Variants in TMEM138 observed in about 807,000 individuals in gnomAD.
The protein encoded by TMEM138 is transmembrane protein 138.
TMEM138 carries 9 observed loss-of-function variants against 18.1 expected under a neutral mutation model. The ratio of observed to expected loss-of-function variants is 0.50; its 90% CI spans 0.30 to 0.87. The LOEUF (loss-of-function observed/expected upper bound fraction) is 0.87. Among genes scored for constraint, TMEM138 ranks in the 40% least tolerant of loss-of-function variants. TMEM138 has a pLI of 0.06. For synonymous variants in TMEM138, 79 were observed against 74.8 expected (o/e 1.06, Z -0.29); for missense variants, 189 against 190.6 (o/e 0.99, Z 0.05).
downstream of TMEM138, among the ~76,000 whole-genome samples, chr11:61,370,957 C>G (rs561566368): frequency 2.6e-5 from 4 of 152,296 alleles, no homozygotes; most frequent in Admixed American, 6.5e-5. Flanking sequence ...TCAGGACCCC[C>G]AAACTCATTA....
chr11:61,368,114 C>A, intron 4 of TMEM138, 116 bp downstream of exon 4: 1 of 795,918 alleles, frequency 1.3e-6, no homozygotes, highest in Non-Finnish European at 2.3e-6. Context: ...GTTGTGACAG[C>A]CACACCAGGA....
chr11:61,372,853 T>C (rs2135173883), downstream of TMEM138, among the ~76,000 whole-genome samples: 1 of 151,748 alleles, frequency 6.6e-6, no homozygotes, highest in Middle Eastern at 3.4e-3. Context: ...ATTAACAGTC[T>C]GTGTAAGTTA....
At chr11:61,375,405 C>T (rs1049779596), downstream of TMEM138, among the ~76,000 whole-genome samples, 1 of 146,998 alleles carries the variant, frequency 6.8e-6, no homozygotes, top group Admixed American at 7.1e-5. Context: ...TCACCACAAC[C>T]TCTGACTCGC....
chr11:61,364,194 A>C (rs1449790666), intron 1 of TMEM138, 58 bp from the exon 2 acceptor site: 3 of 532,674 alleles, frequency 5.6e-6, no homozygotes, highest in Admixed American at 6.8e-5. Context: ...GTAGGTCCTC[A>C]GTAAATGTTT....
chr11:61,362,572 T>A (rs1373162499), intron 1 of TMEM138, 152 bp downstream of exon 1: 1 of 152,224 alleles, frequency 6.6e-6, no homozygotes, highest in Non-Finnish European at 1.5e-5. Flanking sequence ...CTGCCCTAGG[T>A]ACAAAGGGAA....
chr11:61,370,378 G>C (rs547881694), downstream of TMEM138, among the ~76,000 whole-genome samples: 11 of 152,324 alleles, frequency 7.2e-5, no homozygotes, highest in South Asian at 4.1e-4. Context: ...AAAAGGCCTG[G>C]TTAAACATTG....
chr11:61,373,357 A>C (rs2135174600), downstream of TMEM138, among the ~76,000 whole-genome samples: 1 of 152,376 alleles, frequency 6.6e-6, no homozygotes, highest in East Asian at 1.9e-4. Flanking sequence ...CAGATTAACA[A>C]GGTTTTCTTG....
At chr11:61,371,973 C>CAGG (rs1309138527), downstream of TMEM138, among the ~76,000 whole-genome samples, 8 of 152,054 alleles carry the variant, frequency 5.3e-5, no homozygotes, top group South Asian at 1.7e-3. Flanking sequence ...GTCAAGAGTT[C>CAGG]AGGACCAGCC....
intron 1 of TMEM138, 167 bp from the exon 2 acceptor site, chr11:61,364,085 G>A (rs1858046128): frequency 4.5e-6 from 1 of 220,534 alleles, no homozygotes; most frequent in Non-Finnish European, 9.0e-6. Context: ...ATGGAGAAAA[G>A]CTGGTGAAGG....
downstream of TMEM138, among the ~76,000 whole-genome samples, chr11:61,371,142 C>G (rs1858332670): frequency 6.6e-6 from 1 of 152,226 alleles, no homozygotes. Flanking sequence ...TCAAGTGATT[C>G]TCCTGCCTCA....
At chr11:61,372,678 C>T (rs1030329091), downstream of TMEM138, among the ~76,000 whole-genome samples, 5 of 151,634 alleles carry the variant, frequency 3.3e-5, no homozygotes, top group African/African-American at 4.8e-5. Context: ...CCCAGCTACT[C>T]GGGAGGCTGA....
chr11:61,367,259 AG>A (rs1474691927), intron 3 of TMEM138: 1 of 152,232 alleles, frequency 6.6e-6, no homozygotes. Context: ...CTGTGGTTTC[AG>A]ATTTCTTCTG....
At chr11:61,364,770 CT>C (rs1858075890) in intron 2 of TMEM138, 3 of 338,694 alleles carry the variant, frequency 8.9e-6, no homozygotes, top group African/African-American at 6.3e-5. Context: ...TGCCACACAC[CT>C]GTAATCGCAG....
chr11:61,369,036 C>T lies in TMEM138; in HGVS notation c.*327C>T, dbSNP rs1309171299. The T allele has an allele frequency of 1.5e-5, 4 of 269,598 alleles. No individual in the cohort carries two copies. Among genetic ancestry groups the T allele is most frequent in the Non-Finnish European group, 2.9e-5 (4 of 138,126 alleles). 16.7% of individuals were successfully genotyped at this position (269,598 alleles called of 1,614,324 possible). A position where few individuals can be genotyped will look rare whatever the true frequency, so the allele number is the denominator to read the frequency against. On this transcript the variant is annotated 3_prime_UTR_variant, in exon 5 of 5. Coordinates refer to ENST00000278826, the MANE Select transcript of TMEM138 (RefSeq NM_016464.5). ...TACCCTTGTGAAGCTTTTCCTTTAGCCTGGGACAGAAGGACCTCCCAGCCC... is the reference window on the plus strand; with the variant it reads ...TACCCTTGTGAAGCTTTTCCTTTAGTCTGGGACAGAAGGACCTCCCAGCCC...
At chr11:61,363,507 C>T (rs1286507925) in intron 1 of TMEM138, 1 of 152,202 alleles carries the variant, frequency 6.6e-6, no homozygotes, top group Non-Finnish European at 1.5e-5. Flanking sequence ...AGATTTGGCA[C>T]AGCAGCGGGT....
chr11:61,366,257 T>TA, intron 3 of TMEM138, 41 bp downstream of exon 3: 1 of 1,586,688 alleles, frequency 6.3e-7, no homozygotes, highest in Non-Finnish European at 8.6e-7. Flanking sequence ...ATTTTTATTT[T>TA]AAATAGAGGT....
downstream of TMEM138, among the ~76,000 whole-genome samples, chr11:61,375,380 T>C (rs1858422356): frequency 7.0e-6 from 1 of 142,324 alleles, no homozygotes; most frequent in Admixed American, 7.9e-5. Context: ...TGGAGTGCAG[T>C]GGTGTGATCT....
chr11:61,364,534 C>T lies in TMEM138; in HGVS notation c.128+16C>T, dbSNP rs777264424. 3.7e-6 allele frequency: 6 copies of T among 1,613,768 alleles called. No homozygotes were observed. The highest frequency in any genetic ancestry group is 5.1e-6 in the Non-Finnish European group (6 of 1,179,916). Reference sequence around the variant, plus strand: ...TGCTCTTCATGTGCGTGCAGTAAGGCACTCTGGAAAGCTGAACCCACGCAA... The same window carrying T: ...TGCTCTTCATGTGCGTGCAGTAAGGTACTCTGGAAAGCTGAACCCACGCAA... On this transcript the variant is annotated intron_variant, in intron 2 of 4. Coordinates refer to ENST00000278826, the MANE Select transcript of TMEM138 (RefSeq NM_016464.5).
At chr11:61,364,190 C>T in intron 1 of TMEM138, 62 bp from the exon 2 acceptor site, 1 of 513,312 alleles carries the variant, frequency 1.9e-6, no homozygotes, top group Non-Finnish European at 3.4e-6. Context: ...CACAGTAGGT[C>T]CTCAGTAAAT....
Sources: gnomAD v4.1 joint callset for allele counts (sites outside exome capture counted in the v4.1 genomes callset) on GRCh38, gnomAD v4.1.1 for gene constraint, MANE v1.5 for transcripts, NCBI Gene and HGNC (gene_info 2026-07-23, HGNC 2026-07-21) for gene names.